The following RAB27B variants were observed in gnomAD, a reference collection of about 807,000 sequenced individuals.
RAB27B encodes ras-related protein Rab-27B.
In RAB27B, 15 loss-of-function variants were observed where a neutral mutation model predicts 24.6. The ratio of observed to expected loss-of-function variants is 0.61; its 90% CI spans 0.41 to 0.94. The LOEUF (loss-of-function observed/expected upper bound fraction) is 0.94. Among genes scored for constraint, RAB27B ranks in the 40% least tolerant of loss-of-function variants. The pLI, the probability that RAB27B is intolerant of heterozygous loss-of-function variation, is 0.00. For synonymous variants in RAB27B, 105 were observed against 92.5 expected, an observed-to-expected ratio of 1.14 and a Z score of -0.78; for missense variants, 261 against 266.8, an observed-to-expected ratio of 0.98 and a Z score of 0.15.
chr18:54,763,563 C>T (rs1908263489), intron 2 of RAB27B, among the ~76,000 whole-genome samples: 1 of 152,040 alleles, frequency 6.6e-6, no homozygotes, highest in Non-Finnish European at 1.5e-5. Flanking sequence ...TGCACTGTGT[C>T]CAGGTTTAGT....
chr18:54,805,756 T>C (rs1909772350), intron 2 of RAB27B, among the ~76,000 whole-genome samples: 1 of 152,226 alleles, frequency 6.6e-6, no homozygotes, highest in Non-Finnish European at 1.5e-5. Context: ...ACCAAGCATT[T>C]GTTTTAGTTA....
intron 2 of RAB27B, among the ~76,000 whole-genome samples, chr18:54,789,285 T>G (rs1015369839): frequency 1.3e-5 from 2 of 152,190 alleles, no homozygotes; most frequent in Non-Finnish European, 2.9e-5. Flanking sequence ...CTTTATGCTG[T>G]TTTTTATGCA....
At chr18:54,764,585 G>A (rs776434120) in intron 2 of RAB27B, among the ~76,000 whole-genome samples, 65 of 152,132 alleles carry the variant, frequency 4.3e-4, no homozygotes, top group Non-Finnish European at 7.1e-4. Flanking sequence ...TTAGGTGACA[G>A]AACATCTCCC....
At chr18:54,883,014 G>A (rs905388241) in intron 3 of RAB27B, among the ~76,000 whole-genome samples, 1 of 152,066 alleles carries the variant, frequency 6.6e-6, no homozygotes, top group African/African-American at 2.4e-5. Flanking sequence ...CAGAGTAGAT[G>A]GCCAGAAATG....
At chr18:54,741,627 G>A (rs1910074362) in intron 2 of RAB27B, among the ~76,000 whole-genome samples, 1 of 152,060 alleles carries the variant, frequency 6.6e-6, no homozygotes, top group Non-Finnish European at 1.5e-5. Context: ...CCAAGTGGCT[G>A]GGATTACAGG....
At chr18:54,863,558 C>T (rs1488753137) in intron 1 of RAB27B, among the ~76,000 whole-genome samples, 3 of 152,046 alleles carry the variant, frequency 2.0e-5, no homozygotes, top group Non-Finnish European at 4.4e-5. Flanking sequence ...TTAAAGAGTA[C>T]AGTTCAGTGT....
chr18:54,810,647 T>C (rs1909931122), intron 2 of RAB27B, among the ~76,000 whole-genome samples: 1 of 151,698 alleles, frequency 6.6e-6, no homozygotes, highest in South Asian at 2.1e-4. Context: ...CTGACAAACA[T>C]AGTGAAACCC....
chr18:54,825,461 T>G (rs1320336317), upstream of RAB27B, among the ~76,000 whole-genome samples: 1 of 143,072 alleles, frequency 7.0e-6, no homozygotes, highest in Non-Finnish European at 1.6e-5. Context: ...TTTCTGAGAT[T>G]TCCATTAGTC....
rs149923148 is a variant in RAB27B, at chr18:54,782,760, G to A, written c.-20+64619G>A. Among the ~76,000 whole-genome samples the A allele has an allele frequency of 2.9e-3, 438 of 152,144 alleles. 6 individuals are homozygous for A. The highest frequency in any genetic ancestry group is 0.028 in the South Asian group (136 of 4,814). On this transcript the variant is annotated intron_variant, in intron 2 of 4. Transcript: ENST00000586570. Reference sequence around the variant, plus strand: ...CCCTTGTACAATTTTAGAAAATCATGGTAACAAATCAGTAAACAATAGCTG... The same window carrying A: ...CCCTTGTACAATTTTAGAAAATCATAGTAACAAATCAGTAAACAATAGCTG...
chr18:54,844,937 T>A (rs764440348), intron 1 of RAB27B, among the ~76,000 whole-genome samples: 12 of 152,086 alleles, frequency 7.9e-5, no homozygotes, highest in Non-Finnish European at 7.4e-5. Flanking sequence ...TTTAATAAAG[T>A]TTTTCATCAT....
At chr18:54,757,400 A>G (rs911023926) in intron 2 of RAB27B, among the ~76,000 whole-genome samples, 3 of 152,168 alleles carry the variant, frequency 2.0e-5, no homozygotes, top group Non-Finnish European at 4.4e-5. Flanking sequence ...TTAGAAGACT[A>G]TTTCCTTCTA....
intron 2 of RAB27B, among the ~76,000 whole-genome samples, chr18:54,741,252 C>A (rs1380517563): frequency 6.6e-6 from 1 of 152,122 alleles, no homozygotes; most frequent in Non-Finnish European, 1.5e-5. Context: ...CCGCCCATCC[C>A]ACCATGTCAC....
intron 2 of RAB27B, among the ~76,000 whole-genome samples, chr18:54,801,613 T>C (rs1028920854): frequency 1.3e-5 from 2 of 152,128 alleles, no homozygotes; most frequent in African/African-American, 4.8e-5. Flanking sequence ...CGATTCTTTG[T>C]TGGGGCTTGG....
At chr18:54,824,783 C>T (rs567510903), upstream of RAB27B, among the ~76,000 whole-genome samples, 1 of 152,230 alleles carries the variant, frequency 6.6e-6, no homozygotes, top group East Asian at 1.9e-4. Flanking sequence ...ACTGTATTTT[C>T]AAATGCACAT....
At chr18:54,876,627 A>C (rs543300454) in intron 1 of RAB27B, among the ~76,000 whole-genome samples, 6 of 152,212 alleles carry the variant, frequency 3.9e-5, no homozygotes, top group Admixed American at 1.3e-4. Flanking sequence ...TGTCATTCAA[A>C]TACATGTCCT....
At chr18:54,888,912 T>G (rs1001875369) in intron 5 of RAB27B, among the ~76,000 whole-genome samples, 2 of 152,140 alleles carry the variant, frequency 1.3e-5, no homozygotes, top group East Asian at 3.9e-4. Flanking sequence ...GTCAGTAGTT[T>G]TATTGATCAG....
intron 1 of RAB27B, among the ~76,000 whole-genome samples, chr18:54,835,589 C>T (rs1015219232): frequency 2.0e-5 from 3 of 151,854 alleles, no homozygotes; most frequent in African/African-American, 4.9e-5. Context: ...ATTGCTGTAA[C>T]GAAAATATTC....
At chr18:54,752,591 A>T (rs58583571) in intron 2 of RAB27B, among the ~76,000 whole-genome samples, 1,689 of 152,324 alleles carry the variant, frequency 0.011, 38 homozygotes, top group African/African-American at 0.039. Flanking sequence ...GAAAGCAGCA[A>T]GAAAGGTTTT....
At chr18:54,817,549 T>C (rs1294389050) in intron 2 of RAB27B, among the ~76,000 whole-genome samples, 2 of 152,176 alleles carry the variant, frequency 1.3e-5, no homozygotes, top group Non-Finnish European at 1.5e-5. Context: ...TCTGGATTAG[T>C]TGGAGAGTCT....
Sources: gnomAD v4.1 joint callset for allele counts (sites outside exome capture counted in the v4.1 genomes callset) on GRCh38, gnomAD v4.1.1 for gene constraint, MANE v1.5 for transcripts, NCBI Gene and HGNC (gene_info 2026-07-23, HGNC 2026-07-21) for gene names.